LSAMP: variants seen among roughly 807,000 people sequenced by gnomAD.
LSAMP encodes limbic system associated membrane protein, also known as limbic system-associated membrane protein.
LSAMP carries 7 observed loss-of-function variants against 38.6 expected under a neutral mutation model. The ratio of observed to expected loss-of-function variants is 0.18; its 90% CI spans 0.10 to 0.34. The LOEUF (loss-of-function observed/expected upper bound fraction) is 0.34. Ranked by LOEUF, LSAMP falls within the 10% of genes least tolerant of loss-of-function variation. The pLI, the probability that LSAMP is intolerant of heterozygous loss-of-function variation, is 1.00. For synonymous variants in LSAMP, 154 were observed against 166.8 expected, an observed-to-expected ratio of 0.92 and a Z score of 0.59; for missense variants, 313 against 420.0, an observed-to-expected ratio of 0.75 and a Z score of 2.23.
chr3:115,868,377 G>C (rs1417251930), intron 3 of LSAMP, among the ~76,000 whole-genome samples: 1 of 152,088 alleles, frequency 6.6e-6, no homozygotes, highest in East Asian at 1.9e-4. Context: ...CTGAATCCAA[G>C]CACTAGCCAT....
intron 2 of LSAMP, among the ~76,000 whole-genome samples, chr3:116,081,528 A>ATAAT (rs1707873144): frequency 6.6e-6 from 1 of 152,164 alleles, no homozygotes; most frequent in African/African-American, 2.4e-5. Flanking sequence ...TAGAGACATT[A>ATAAT]TAATTTTAAG....
At chr3:115,828,748 T>C (rs564601351) in intron 6 of LSAMP, among the ~76,000 whole-genome samples, 1 of 151,948 alleles carries the variant, frequency 6.6e-6, no homozygotes. Flanking sequence ...ACTTTGAAAA[T>C]TTTTTTTTCT....
chr3:116,143,725 A>G (rs1443454856), intron 1 of LSAMP, among the ~76,000 whole-genome samples: 1 of 151,832 alleles, frequency 6.6e-6, no homozygotes, highest in Non-Finnish European at 1.5e-5. Context: ...AGCTTTTCAA[A>G]AAAGTAGCTT....
chr3:116,086,617 T>A, intron 1 of LSAMP, 61 bp from the exon 2 acceptor site: 1 of 1,314,740 alleles, frequency 7.6e-7, no homozygotes, highest in Non-Finnish European at 1.1e-6. Context: ...GTTTCTTCTC[T>A]AGGTGATCAG....
At chr3:115,870,305 T>C (rs1230653051) in intron 3 of LSAMP, among the ~76,000 whole-genome samples, 4 of 152,264 alleles carry the variant, frequency 2.6e-5, no homozygotes, top group Middle Eastern at 6.8e-3. Flanking sequence ...GTATTTTTGA[T>C]TGGGCTGTTG....
chr3:116,037,453 CTT>C (rs1253766890), intron 2 of LSAMP, among the ~76,000 whole-genome samples: 1 of 152,044 alleles, frequency 6.6e-6, no homozygotes, highest in Non-Finnish European at 1.5e-5. Flanking sequence ...GAGCCCCATA[CTT>C]TCTCTGACTC....
chr3:116,232,699 C>CTTTCTTTTTTTTTTTT (rs1310867132), intron 1 of LSAMP, among the ~76,000 whole-genome samples: 1 of 99,448 alleles, frequency 1.0e-5, no homozygotes, highest in African/African-American at 3.1e-5. Flanking sequence ...TTCTTTCTTT[C>CTTTCTTTTTTTTTTTT]TTTTTTTTTT....
At chr3:116,044,554 T>G (rs1941248012) in intron 2 of LSAMP, among the ~76,000 whole-genome samples, 1 of 150,784 alleles carries the variant, frequency 6.6e-6, no homozygotes, top group South Asian at 2.1e-4. Flanking sequence ...CAGACTGAAA[T>G]GGGGAGTCTG....
intron 3 of LSAMP, among the ~76,000 whole-genome samples, chr3:115,912,873 G>A (rs1231949268): frequency 3.3e-5 from 5 of 152,106 alleles, no homozygotes; most frequent in African/African-American, 4.8e-5. Flanking sequence ...GAACACCCAG[G>A]GAACTTATGG....
chr3:116,324,453 G>T (rs2047743790), intron 1 of LSAMP, among the ~76,000 whole-genome samples: 1 of 152,122 alleles, frequency 6.6e-6, no homozygotes, highest in South Asian at 2.1e-4. Context: ...CGGGAATTGT[G>T]GATATAATGA....
At chr3:116,220,535 A>T (rs974640502) in intron 1 of LSAMP, among the ~76,000 whole-genome samples, 1 of 152,170 alleles carries the variant, frequency 6.6e-6, no homozygotes, top group Non-Finnish European at 1.5e-5. Flanking sequence ...GACTATTGGG[A>T]CTTAGGGACA....
intron 1 of LSAMP, among the ~76,000 whole-genome samples, chr3:116,183,317 T>C (rs777624905): frequency 1.3e-5 from 2 of 151,898 alleles, no homozygotes; most frequent in Admixed American, 6.6e-5. Flanking sequence ...CATGATTGCA[T>C]GCTTATTGCA....
At chr3:115,944,992 A>ATT (rs965350933) in intron 3 of LSAMP, among the ~76,000 whole-genome samples, 12 of 151,488 alleles carry the variant, frequency 7.9e-5, no homozygotes, top group Admixed American at 3.9e-4. Context: ...ATTAAGTACC[A>ATT]TTTTTTTTCT....
intron 3 of LSAMP, among the ~76,000 whole-genome samples, chr3:115,881,045 T>TAAATAAATAAATAAATAAATAAAC (rs1936308998): frequency 6.6e-6 from 1 of 150,806 alleles, no homozygotes; most frequent in African/African-American, 2.4e-5. Flanking sequence ...CAAAAATAAA[T>TAAATAAATAAATAAATAAATAAAC]AAATAAATAA....
chr3:116,009,827 A>G (rs1388268485), intron 3 of LSAMP, among the ~76,000 whole-genome samples: 1 of 152,076 alleles, frequency 6.6e-6, no homozygotes, highest in Admixed American at 6.6e-5. Context: ...TTGGCGTGAT[A>G]GTGTTGAGAT....
intron 1 of LSAMP, 43 bp downstream of exon 1, chr3:116,444,834 A>G: frequency 6.2e-7 from 1 of 1,609,670 alleles, no homozygotes; most frequent in East Asian, 2.2e-5. Context: ...ACACACACAC[A>G]CGTGTAGACG....
chr3:116,214,495 G>A (rs2046197150), intron 1 of LSAMP, among the ~76,000 whole-genome samples: 1 of 147,100 alleles, frequency 6.8e-6, no homozygotes, highest in African/African-American at 2.5e-5. Flanking sequence ...GAGTAAAAAT[G>A]GGTCTTTTTT....
At chr3:116,192,598 C>T (rs576927024) in intron 1 of LSAMP, among the ~76,000 whole-genome samples, 57 of 152,056 alleles carry the variant, frequency 3.7e-4, no homozygotes, top group Non-Finnish European at 5.9e-4. Flanking sequence ...GATGTGAAGG[C>T]ATATGAAAAC....
chr3:115,824,133 A>G (rs151323398), intron 6 of LSAMP, among the ~76,000 whole-genome samples: 64 of 152,360 alleles, frequency 4.2e-4, no homozygotes, highest in Admixed American at 1.6e-3. Flanking sequence ...ATGTTCCAGA[A>G]TGCCAAAGAG....
Sources: allele counts gnomAD v4.1 joint callset (sites outside exome capture counted in the v4.1 genomes callset), GRCh38; gene constraint gnomAD v4.1.1; transcripts MANE v1.5; gene names NCBI Gene and HGNC (gene_info 2026-07-23, HGNC 2026-07-21).